MBP: variants seen among roughly 807,000 people sequenced by gnomAD.
MBP encodes the protein Golli-MBP.
A neutral mutation model predicts 35.8 loss-of-function variants in MBP; 16 were observed. The observed-to-expected ratio is 0.45, with a 90% CI of 0.30 to 0.68. MBP has a LOEUF of 0.68. Ranked by LOEUF, MBP falls within the 30% of genes least tolerant of loss-of-function variation. The pLI, the probability that MBP is intolerant of heterozygous loss-of-function variation, is 0.08. For missense variants in MBP, 380 were observed against 404.7 expected, an observed-to-expected ratio of 0.94 and a Z score of 0.52; for synonymous variants, 143 against 159.6, an observed-to-expected ratio of 0.90 and a Z score of 0.78.
intron 3 of MBP, among the ~76,000 whole-genome samples, chr18:77,050,776 G>A (rs1350322288): frequency 6.6e-6 from 1 of 152,156 alleles, no homozygotes; most frequent in Non-Finnish European, 1.5e-5. Flanking sequence ...GAACTCCTGA[G>A]CTTGAGTGAT....
chr18:77,046,979 A>T (rs1973284694), intron 3 of MBP, among the ~76,000 whole-genome samples: 1 of 152,200 alleles, frequency 6.6e-6, no homozygotes, highest in Admixed American at 6.5e-5. Flanking sequence ...CCACATCTTC[A>T]TGGAGAGGTC....
intron 3 of MBP, among the ~76,000 whole-genome samples, chr18:77,033,535 C>G (rs1972618874): frequency 6.6e-6 from 1 of 152,022 alleles, no homozygotes; most frequent in African/African-American, 2.4e-5. Flanking sequence ...AGGCCCTATA[C>G]AGTTTTCATC....
chr18:77,084,525 G>A (rs370201763), intron 2 of MBP, among the ~76,000 whole-genome samples: 32 of 148,862 alleles, frequency 2.1e-4, no homozygotes, highest in African/African-American at 7.5e-4. Flanking sequence ...AGCTGGCACC[G>A]CCCTTGCTAT....
chr18:77,091,083 C>G (rs1975502769), intron 2 of MBP, among the ~76,000 whole-genome samples: 2 of 152,210 alleles, frequency 1.3e-5, no homozygotes, highest in Non-Finnish European at 2.9e-5. Context: ...CATTCGAAAA[C>G]AACATACAAG....
At chr18:77,114,497 C>G (rs556428296) in intron 1 of MBP, 2 of 152,248 alleles carry the variant, frequency 1.3e-5, no homozygotes, top group African/African-American at 4.8e-5. Flanking sequence ...ATTTGAAATT[C>G]CTTGTGAATG....
intron 2 of MBP, among the ~76,000 whole-genome samples, chr18:77,077,357 C>A (rs1466522929): frequency 2.2e-3 from 241 of 107,668 alleles, no homozygotes; most frequent in South Asian, 2.6e-3. Flanking sequence ...GACTCCGTCG[C>A]AAAAAAAAAA....
rs1973811698 is a variant in MBP, at chr18:77,058,001, T to C, written c.139+8297A>G. Among the ~76,000 whole-genome samples the C allele has an allele frequency of 2.9e-5, 2 of 67,866 alleles. 1 individual carries two copies. The highest frequency in any genetic ancestry group is 1.2e-3 in the South Asian group (2 of 1,640). The allele number at this position is 67,866 out of a possible 152,430, so 44.5% of individuals were successfully genotyped here. A position where few individuals can be genotyped will look rare whatever the true frequency, so the allele number is the denominator to read the frequency against. On this transcript the variant is annotated intron_variant, in intron 3 of 8. Coordinates refer to ENST00000355994, the MANE Select transcript of MBP (RefSeq NM_001025101.2). ...GCCACTACGCCCGGCTAATTTTTTG[T>C]ATTTTTTTTTTTAATAGAGACGGGG... is the stretch of plus-strand genomic sequence containing the variant.
chr18:77,101,359 T>G lies in MBP; in HGVS notation c.51+3852A>C, dbSNP rs544272583. ...AGGCAGGACCATTTGGAAACCAAAT[T>G]TCCCTGCAACTTAAAAAACACAGGG... On this transcript the variant is annotated intron_variant, in intron 2 of 8. Coordinates refer to ENST00000355994, the MANE Select transcript of MBP (RefSeq NM_001025101.2). This position sits in a 1 kb window ranked among gnomAD's most constrained non-coding sequence, Gnocchi z 4.3. Among the ~76,000 whole-genome samples, 22 of 152,326 alleles carry G rather than the reference T, an allele frequency of 1.4e-4. No homozygotes were observed. Among genetic ancestry groups the G allele is most frequent in the African/African-American group, 4.8e-4 (20 of 41,574 alleles).
intron 3 of MBP, among the ~76,000 whole-genome samples, chr18:77,018,865 TATCC>T (rs200121847): frequency 0.43 from 53,182 of 124,644 alleles, 11,099 homozygotes; most frequent in East Asian, 0.49. Flanking sequence ...CTCATCCATC[TATCC>T]ATCCATCCAT....
intron 1 of MBP, among the ~76,000 whole-genome samples, chr18:77,117,132 C>T (rs192929834): frequency 6.6e-6 from 1 of 152,296 alleles, no homozygotes; most frequent in East Asian, 1.9e-4. Flanking sequence ...AATATAGTAA[C>T]AACTCCACAA....
intron 2 of MBP, chr18:77,087,253 C>T (rs1674725): frequency 0.22 from 33,073 of 151,704 alleles, 5,148 homozygotes; most frequent in African/African-American, 0.45. Flanking sequence ...CCCCGCGGAG[C>T]CTGGCGGGGA....
At chr18:77,046,024 T>G (rs1973241137) in intron 3 of MBP, among the ~76,000 whole-genome samples, 1 of 152,236 alleles carries the variant, frequency 6.6e-6, no homozygotes, top group South Asian at 2.1e-4. Flanking sequence ...GAGGGAGAGC[T>G]TCATTCATGT....
At chr18:76,996,204 C>T (rs1021656622) in intron 4 of MBP, among the ~76,000 whole-genome samples, 3 of 152,200 alleles carry the variant, frequency 2.0e-5, no homozygotes, top group Non-Finnish European at 4.4e-5. Context: ...GGAACGCAAA[C>T]TGTCACTCCT....
chr18:77,072,521 T>C (rs1974493667), intron 2 of MBP, among the ~76,000 whole-genome samples: 1 of 152,218 alleles, frequency 6.6e-6, no homozygotes, highest in Non-Finnish European at 1.5e-5. Flanking sequence ...AGCTTTAAAA[T>C]GAACATTATA....
chr18:77,115,518 C>G (rs1476397406), intron 1 of MBP: 1 of 152,230 alleles, frequency 6.6e-6, no homozygotes, highest in Non-Finnish European at 1.5e-5. Context: ...AGTGGTTGAT[C>G]TGAAATCTCC....
chr18:77,117,034 A>C (rs921657412), intron 1 of MBP, among the ~76,000 whole-genome samples: 2 of 152,184 alleles, frequency 1.3e-5, no homozygotes, highest in African/African-American at 4.8e-5. Context: ...TGATACTTGA[A>C]GTCCTGGATT....
At chr18:77,026,917 C>T (rs1203075045) in intron 3 of MBP, among the ~76,000 whole-genome samples, 1 of 152,034 alleles carries the variant, frequency 6.6e-6, no homozygotes, top group African/African-American at 2.4e-5. Flanking sequence ...ACATCACGTC[C>T]AAGCAGATCT....
At chr18:77,045,903 G>C (rs576531721) in intron 3 of MBP, among the ~76,000 whole-genome samples, 71 of 152,190 alleles carry the variant, frequency 4.7e-4, no homozygotes, top group Non-Finnish European at 8.4e-4. Flanking sequence ...ACAGCCGCGA[G>C]GTGAGTATTG....
At chr18:77,126,248 C>T (rs1228219923) in intron 1 of MBP, among the ~76,000 whole-genome samples, 1 of 152,194 alleles carries the variant, frequency 6.6e-6, no homozygotes, top group East Asian at 1.9e-4. Flanking sequence ...ATATCAGATA[C>T]TCAAGGGTGG....
Sources: gnomAD v4.1 joint callset for allele counts (sites outside exome capture counted in the v4.1 genomes callset) on GRCh38, gnomAD v4.1.1 for gene constraint, Gnocchi (gnomAD v3.1) non-coding constraint, MANE v1.5 for transcripts, NCBI Gene and HGNC (gene_info 2026-07-23, HGNC 2026-07-21) for gene names.